Variants in TRERF1 observed in about 807,000 individuals in gnomAD.
TRERF1 encodes transcriptional-regulating factor 1.
A neutral mutation model predicts 122.9 loss-of-function variants in TRERF1; 27 were observed. That is an observed-to-expected ratio of 0.22 (90% CI 0.16 to 0.30). TRERF1 has a LOEUF of 0.30. Ranked by LOEUF, TRERF1 falls within the 10% of genes least tolerant of loss-of-function variation. TRERF1 has a pLI of 1.00. For missense variants in TRERF1, 1,248 were observed against 1,560.3 expected, an observed-to-expected ratio of 0.80 and a Z score of 3.37; for synonymous variants, 636 against 641.7, an observed-to-expected ratio of 0.99 and a Z score of 0.13.
In TRERF1 at chr6:42,268,383, T is replaced by C. The variant is rs1187303003; in HGVS notation, c.1208A>G (p.Glu403Gly). ...AGAGTAGGTCTTCAGCTGACTGTCC[T>C]CACGCTGCTGGTGCTGGGACAGGTG... is the stretch of plus-strand genomic sequence containing the variant. Residue 403 changes from glutamate (E) to glycine (G), a missense_variant, in exon 5 of 18, where the codon GAG becomes GGG. Coordinates refer to ENST00000372922, the Ensembl canonical transcript of TRERF1. This position sits in a 1 kb window ranked among gnomAD's most constrained non-coding sequence, Gnocchi z 4.4. 6.5e-7 allele frequency: 1 copy of C among 1,540,148 alleles called. No individual in the cohort carries two copies. The highest frequency in any genetic ancestry group is 1.3e-5 in the South Asian group (1 of 77,880).
chr6:42,449,610 T>C (rs1473981002), intron 2 of TRERF1, among the ~76,000 whole-genome samples: 1 of 152,152 alleles, frequency 6.6e-6, no homozygotes, highest in Non-Finnish European at 1.5e-5. Flanking sequence ...GGAATGAACA[T>C]ACATAAAGAT....
chr6:42,385,935 G>GT (rs1165802417), intron 2 of TRERF1, among the ~76,000 whole-genome samples: 5 of 152,194 alleles, frequency 3.3e-5, no homozygotes, highest in African/African-American at 4.8e-5. Flanking sequence ...TTGACTGGCG[G>GT]TAAGCCTATA....
intron 2 of TRERF1, among the ~76,000 whole-genome samples, chr6:42,430,815 G>A (rs1256554296): frequency 2.0e-5 from 3 of 151,624 alleles, no homozygotes; most frequent in South Asian, 2.1e-4. Flanking sequence ...GGAATCGCTC[G>A]AACCCAGGAG....
intron 2 of TRERF1, among the ~76,000 whole-genome samples, chr6:42,425,954 C>T (rs1485792540): frequency 6.6e-6 from 1 of 152,130 alleles, no homozygotes; most frequent in Non-Finnish European, 1.5e-5. Context: ...ACTTTCCCTG[C>T]ACGTGGGGAG....
At chr6:42,332,185 C>G (rs1385948073) in intron 3 of TRERF1, among the ~76,000 whole-genome samples, 1 of 152,212 alleles carries the variant, frequency 6.6e-6, no homozygotes, top group Non-Finnish European at 1.5e-5. Context: ...TCAGGTGATC[C>G]GCCCACCTCG....
intron 2 of TRERF1, among the ~76,000 whole-genome samples, chr6:42,437,225 C>A (rs1357623889): frequency 6.6e-6 from 1 of 152,106 alleles, no homozygotes; most frequent in Non-Finnish European, 1.5e-5. Context: ...GCAGCCCAGC[C>A]ACCAATGATT....
At chr6:42,427,466 G>C (rs959092126) in intron 2 of TRERF1, among the ~76,000 whole-genome samples, 1 of 151,802 alleles carries the variant, frequency 6.6e-6, no homozygotes, top group Non-Finnish European at 1.5e-5. Context: ...GCCCAGGCTG[G>C]TTTTGAACTC....
chr6:42,292,870 T>C (rs963335249), intron 4 of TRERF1, among the ~76,000 whole-genome samples: 39 of 152,366 alleles, frequency 2.6e-4, no homozygotes, highest in Admixed American at 2.2e-3. Context: ...TCCTCTATGA[T>C]ACCAGATAAA....
At chr6:42,419,410 A>T (rs1188079152) in intron 2 of TRERF1, among the ~76,000 whole-genome samples, 1 of 151,624 alleles carries the variant, frequency 6.6e-6, no homozygotes, top group Non-Finnish European at 1.5e-5. Flanking sequence ...TTTCAAGCGC[A>T]TGCCTGTGGC....
chr6:42,228,503 G>C lies in TRERF1; in HGVS notation c.3445C>G (p.Gln1149Glu), dbSNP rs746732115. The stretch of plus-strand genomic sequence containing the variant: ...TTGATGGGTTTGATCAGACTCAGCT[G>C]GTCCAGGGGCAGCAGCCCCGGCGCC... The change falls in exon 18 of 18, where the codon CAG becomes GAG. Residue 1149 changes from glutamine to glutamate, a missense_variant. Physicochemically the swap from Gln to Glu is conservative, Grantham distance 29. Coordinates refer to ENST00000372922, the Ensembl canonical transcript of TRERF1. The surrounding 1 kb of genome is among the most constrained non-coding windows in gnomAD (Gnocchi z 4.2). 2.5e-5 allele frequency: 41 copies of C among 1,614,080 alleles called. No homozygotes were observed. The highest frequency in any genetic ancestry group is 2.5e-6 in the Non-Finnish European group (3 of 1,180,056).
Position 42,259,340 on chromosome 6 carries a change from G to A in TRERF1, c.2268C>T (p.Ser756=). 6.7e-7 allele frequency: 1 copy of A among 1,498,792 alleles called. No homozygotes were observed. The highest frequency in any genetic ancestry group is 8.8e-7 in the Non-Finnish European group (1 of 1,134,010). The allele number at this position is 1,498,792 out of a possible 1,614,324, so 92.8% of individuals were successfully genotyped here. Residue 756 remains serine, a splice_region_variant and synonymous_variant, in exon 9 of 18, where the codon TCC becomes TCT. Transcript: ENST00000372922. This position sits in a 1 kb window ranked among gnomAD's most constrained non-coding sequence, Gnocchi z 4.9. The stretch of plus-strand genomic sequence containing the variant: ...GAGGACGCTAAAGGGGTGACTCACT[G>A]GAGCGACACAGCAGCACCCGTGGTG...
At chr6:42,254,716 C>T in intron 13 of TRERF1, 135 bp downstream of exon 13, 1 of 786,632 alleles carries the variant, frequency 1.3e-6, no homozygotes, top group South Asian at 1.5e-5. Context: ...CATAGCTCTG[C>T]CCTAGGAGGC....
rs934103369 is a variant in TRERF1 at position 42,396,928 on chromosome 6, C to G, written c.-453-33849G>C. Among the ~76,000 whole-genome samples the G allele has an allele frequency of 2.6e-5, 4 of 152,146 alleles. No homozygotes were observed. In the South Asian group the frequency reaches 6.2e-4, roughly 24 times the overall value. ...ACCCATACACACACCCTGAAGGAGG[C>G]GCTGCGGCCCTCACCCACAAACCCC... On this transcript the variant is annotated intron_variant, in intron 2 of 17. Coordinates refer to ENST00000372922, the Ensembl canonical transcript of TRERF1.
intron 15 of TRERF1, among the ~76,000 whole-genome samples, chr6:42,240,258 TTGAG>T (rs1351362615): frequency 6.6e-6 from 1 of 152,250 alleles, no homozygotes; most frequent in Non-Finnish European, 1.5e-5. Flanking sequence ...CAAACATTTA[TTGAG>T]TGACTGTATT....
chr6:42,260,760 G>A (rs1053216155), intron 8 of TRERF1, among the ~76,000 whole-genome samples: 4 of 152,264 alleles, frequency 2.6e-5, no homozygotes, highest in East Asian at 1.9e-4. Flanking sequence ...GCAGCAGGGG[G>A]TGATGGGAAG....
chr6:42,263,287 G>A lies in TRERF1; in HGVS notation c.1884+33C>T. ...CAGGCGTGCGGGGGGCAGCCCCTTG[G>A]GGTGAGTGTGGGGGAGAGAGGGTCA... On this transcript the variant is annotated intron_variant, in intron 8 of 17. Coordinates refer to ENST00000372922, the Ensembl canonical transcript of TRERF1. This position sits in a 1 kb window ranked among gnomAD's most constrained non-coding sequence, Gnocchi z 5.6. 1.3e-6 allele frequency: 2 copies of A among 1,588,774 alleles called. No individual in the cohort carries two copies. The highest frequency in any genetic ancestry group is 1.7e-6 in the Non-Finnish European group (2 of 1,165,588).
At chr6:42,434,834 C>A (rs1171073919) in intron 2 of TRERF1, among the ~76,000 whole-genome samples, 1 of 152,014 alleles carries the variant, frequency 6.6e-6, no homozygotes, top group African/African-American at 2.4e-5. Flanking sequence ...TTATTGTCTA[C>A]ATAAAACAAT....
chr6:42,409,661 T>C (rs1257450781), intron 2 of TRERF1, among the ~76,000 whole-genome samples: 1 of 152,242 alleles, frequency 6.6e-6, no homozygotes, highest in Non-Finnish European at 1.5e-5. Flanking sequence ...CAAACAGCGA[T>C]ATTTTTATCT....
chr6:42,375,495 C>T (rs1362770444), intron 2 of TRERF1, among the ~76,000 whole-genome samples: 1 of 152,202 alleles, frequency 6.6e-6, no homozygotes, highest in Non-Finnish European at 1.5e-5. Context: ...CTCCTCATGC[C>T]CTCACAGGGC....
Sources: allele counts gnomAD v4.1 joint callset (sites outside exome capture counted in the v4.1 genomes callset), GRCh38; gene constraint gnomAD v4.1.1; non-coding constraint Gnocchi (gnomAD v3.1); transcripts MANE v1.5; gene names NCBI Gene and HGNC (gene_info 2026-07-23, HGNC 2026-07-21).